Variants in MYO3B observed in about 807,000 individuals in gnomAD.
The protein encoded by MYO3B is myosin IIIB, also known as myosin-IIIb.
MYO3B carries 156 observed loss-of-function variants against 174.6 expected under a neutral mutation model. The observed-to-expected ratio is 0.89, with a 90% CI of 0.78 to 1.02. The LOEUF is 1.02. Ranked by LOEUF, MYO3B falls within the 50% of genes least tolerant of loss-of-function variation. MYO3B has a pLI of 0.00. For missense variants in MYO3B, 1,632 were observed against 1,639.4 expected, an observed-to-expected ratio of 1.00 and a Z score of 0.08; for synonymous variants, 563 against 569.1, an observed-to-expected ratio of 0.99 and a Z score of 0.15.
At chr2:170,194,368 G>A (rs2092575003) in intron 1 of MYO3B, among the ~76,000 whole-genome samples, 1 of 151,936 alleles carries the variant, frequency 6.6e-6, no homozygotes, top group African/African-American at 2.4e-5. Context: ...AGCCAGGTGT[G>A]GTAGTGTGCA....
chr2:170,533,533 G>C (rs1268618553), intron 30 of MYO3B, among the ~76,000 whole-genome samples: 2 of 151,964 alleles, frequency 1.3e-5, no homozygotes, highest in African/African-American at 2.4e-5. Flanking sequence ...CTATGCCTTG[G>C]CCTAATTCAG....
chr2:170,336,724 C>A (rs1401274660), intron 8 of MYO3B, among the ~76,000 whole-genome samples: 3 of 152,144 alleles, frequency 2.0e-5, no homozygotes, highest in Admixed American at 2.0e-4. Context: ...AGTAAATGTA[C>A]CAGTTTACCT....
chr2:170,653,860 G>T lies in MYO3B; in HGVS notation c.*739G>T. The stretch of plus-strand genomic sequence containing the variant: ...AGGGAAAGTTTGGACCTGTCACTTT[G>T]GTGACAGGGAAAGTCCAGGTCACTT... On this transcript the variant is annotated 3_prime_UTR_variant, in exon 35 of 35. Coordinates refer to ENST00000408978, the MANE Select transcript of MYO3B (RefSeq NM_138995.5). 6.6e-6 allele frequency: 1 copy of T among 152,254 alleles called. No individual in the cohort carries two copies. The highest frequency in any genetic ancestry group is 2.1e-4 in the South Asian group (1 of 4,820). The allele number at this position is 152,254 out of a possible 1,614,324, so 9.4% of individuals were successfully genotyped here.
Position 170,637,179 on chromosome 2 carries a change from T to G in MYO3B, c.3734-14449T>G, listed in dbSNP as rs925256098. 1.7e-4 allele frequency among the ~76,000 whole-genome samples: 25 copies of G among 150,910 alleles called. No individual in the cohort carries two copies. The South Asian group carries it at 2.7e-3, about 17-fold the overall frequency. On this transcript the variant is annotated intron_variant, in intron 32 of 34. Transcript: ENST00000408978. Reference sequence around the variant, plus strand: ...GTCACTCAGAGTGTAGGGTTTTTTTTTTTTTTTTTTTAGATGGAGTATCAC... The same window carrying G: ...GTCACTCAGAGTGTAGGGTTTTTTTGTTTTTTTTTTTAGATGGAGTATCAC...
chr2:170,259,777 A>T (rs1574670369), intron 7 of MYO3B, among the ~76,000 whole-genome samples: 2 of 152,288 alleles, frequency 1.3e-5, no homozygotes, highest in South Asian at 4.1e-4. Context: ...CAATAAATGG[A>T]TAACTTACAG....
In MYO3B at chr2:170,486,037, G is replaced by T. The variant is rs189296763; in HGVS notation, c.3015-12555G>T. Among the ~76,000 whole-genome samples the T allele has an allele frequency of 4.1e-4, 61 of 149,078 alleles. No individual in the cohort carries two copies. The East Asian group carries it at 9.9e-3, about 24-fold the overall frequency. On this transcript the variant is annotated intron_variant, in intron 25 of 34. Coordinates refer to ENST00000408978, the MANE Select transcript of MYO3B (RefSeq NM_138995.5). Reference sequence around the variant, plus strand: ...GAGAGAGAGAGAGAAGAGAGAATTTGCATTTCTAATAAGTTTCCAGGTCAT... The same window carrying T: ...GAGAGAGAGAGAGAAGAGAGAATTTTCATTTCTAATAAGTTTCCAGGTCAT...
At position 170,306,203 on chromosome 2, in the gene MYO3B, A is replaced by G. The variant is rs565199213; in HGVS notation, c.750-29182A>G. On this transcript the variant is annotated intron_variant, in intron 7 of 34. Coordinates refer to ENST00000408978, the MANE Select transcript of MYO3B (RefSeq NM_138995.5). ...TCAAGGCTCCAAGAGTAGGCATTCA[A>G]AGACATAGGAAGTGGAGGCTGCCAT... 4.6e-5 allele frequency among the ~76,000 whole-genome samples: 7 copies of G among 152,294 alleles called. No individual in the cohort carries two copies. The South Asian group carries it at 1.5e-3, about 32-fold the overall frequency.
At chr2:170,343,829 C>A (rs1342816575) in intron 8 of MYO3B, 1 of 152,244 alleles carries the variant, frequency 6.6e-6, no homozygotes, top group Non-Finnish European at 1.5e-5. Flanking sequence ...TTCTGAGCCT[C>A]AATTTCCTCA....
intron 22 of MYO3B, among the ~76,000 whole-genome samples, chr2:170,414,026 C>A (rs904752509): frequency 6.6e-6 from 1 of 151,850 alleles, no homozygotes; most frequent in Non-Finnish European, 1.5e-5. Context: ...GGTGACAGAG[C>A]GAGACTCCAT....
chr2:170,361,979 G>C (rs562703541), intron 8 of MYO3B, among the ~76,000 whole-genome samples: 1 of 152,106 alleles, frequency 6.6e-6, no homozygotes, highest in Non-Finnish European at 1.5e-5. Context: ...AGAGATAGAG[G>C]GTAAAGAGGT....
chr2:170,385,103 G>T (rs2094364260), intron 12 of MYO3B, among the ~76,000 whole-genome samples: 1 of 152,104 alleles, frequency 6.6e-6, no homozygotes, highest in Non-Finnish European at 1.5e-5. Flanking sequence ...GACACATGGG[G>T]CAGGGTGTAT....
At chr2:170,393,177 G>GGCTTCAAGCGATTCTCCT (rs2094424512) in intron 16 of MYO3B, among the ~76,000 whole-genome samples, 1 of 150,012 alleles carries the variant, frequency 6.7e-6, no homozygotes, top group African/African-American at 2.5e-5. Context: ...TCTGTCTCCT[G>GGCTTCAAGCGATTCTCCT]GCTTCAAGCG....
chr2:170,466,289 A>T (rs1684627651), intron 24 of MYO3B, among the ~76,000 whole-genome samples: 1 of 152,144 alleles, frequency 6.6e-6, no homozygotes, highest in African/African-American at 2.4e-5. Context: ...GCCATATGGG[A>T]TATTGCTTGG....
At chr2:170,645,781 A>T (rs6728807) in intron 32 of MYO3B, among the ~76,000 whole-genome samples, 150,493 of 152,364 alleles carry the variant, frequency 0.99, 74,329 homozygotes, top group East Asian at 1. Context: ...TGCATGTACA[A>T]GCATAGATTT....
intron 6 of MYO3B, among the ~76,000 whole-genome samples, chr2:170,219,633 G>C (rs1031077746): frequency 4.0e-5 from 6 of 150,766 alleles, no homozygotes; most frequent in African/African-American, 1.2e-4. Context: ...GACAGAGTTA[G>C]ACTCTGTCTC....
intron 7 of MYO3B, among the ~76,000 whole-genome samples, chr2:170,287,676 G>A (rs998733934): frequency 2.6e-5 from 4 of 151,828 alleles, no homozygotes; most frequent in African/African-American, 9.7e-5. Flanking sequence ...CTCCTATTAT[G>A]TGGGTTGTTT....
rs371741118 is a variant in MYO3B at position 170,199,227 on chromosome 2, T to C, written c.22T>C (p.Phe8Leu). 3.1e-6 allele frequency: 5 copies of C among 1,611,890 alleles called. No homozygotes were observed. In the African/African-American group the frequency reaches 6.7e-5, roughly 22 times the overall value. Reference protein sequence around the residue: MKHLYGLFHYNPMMLGLE... With the variant: MKHLYGLLHYNPMMLGLE... ...AACCAGGAAACATCTGTATGGATTA[T>C]TTCACTATAATCCTATGATGCTTGG... is the stretch of plus-strand genomic sequence containing the variant. The change falls in exon 2 of 35, where the codon TTT becomes CTT. Residue 8 changes from phenylalanine (F) to leucine (L), a missense_variant. Transcript: ENST00000408978.
intron 3 of MYO3B, among the ~76,000 whole-genome samples, chr2:170,200,966 A>T (rs2092655162): frequency 6.6e-6 from 1 of 152,158 alleles, no homozygotes; most frequent in Non-Finnish European, 1.5e-5. Context: ...CAGTTCTCTG[A>T]AGTGGAAGCC....
At chr2:170,544,034 G>C (rs1690310016) in intron 32 of MYO3B, 46 bp downstream of exon 32, 26 of 1,428,138 alleles carry the variant, frequency 1.8e-5, no homozygotes, top group Middle Eastern at 1.8e-4. Context: ...CCATTTGCAT[G>C]TTTGTGTACT....
Sources: allele counts gnomAD v4.1 joint callset (sites outside exome capture counted in the v4.1 genomes callset), GRCh38; gene constraint gnomAD v4.1.1; transcripts MANE v1.5; gene names NCBI Gene and HGNC (gene_info 2026-07-23, HGNC 2026-07-21).